CRYBB1: variants seen among roughly 807,000 people sequenced by gnomAD.
CRYBB1 encodes crystallin beta B1.
Under a neutral mutation model 29.5 loss-of-function variants are expected in CRYBB1, and 16 were observed. The ratio of observed to expected loss-of-function variants is 0.54; its 90% CI spans 0.37 to 0.82. The LOEUF is 0.82. CRYBB1 is among the 40% of genes least tolerant of loss of function. CRYBB1 has a pLI of 0.00. For missense variants in CRYBB1, 300 were observed against 350.5 expected (o/e 0.86, Z 1.15); for synonymous variants, 127 against 136.7 (o/e 0.93, Z 0.49).
At chr22:26,604,154 G>A (rs60173137) in intron 4 of CRYBB1, among the ~76,000 whole-genome samples, 146,743 of 152,226 alleles carry the variant, frequency 0.96, 70,774 homozygotes, top group East Asian at 1. Context: ...AGTGATGCCG[G>A]ACCTCAGTGT....
intron 2 of CRYBB1, among the ~76,000 whole-genome samples, chr22:26,613,320 A>G (rs1217746154): frequency 6.6e-6 from 1 of 152,166 alleles, no homozygotes; most frequent in Non-Finnish European, 1.5e-5. Flanking sequence ...GGAGGTTCAT[A>G]TAACCATGAC....
At chr22:26,607,019 C>CTTTTTTT (rs34126720) in intron 4 of CRYBB1, among the ~76,000 whole-genome samples, 4 of 111,968 alleles carry the variant, frequency 3.6e-5, no homozygotes, top group Non-Finnish European at 5.2e-5. Flanking sequence ...TATCCCTCTC[C>CTTTTTTT]TTTTTTTTTT....
chr22:26,608,772 G>T lies in CRYBB1; in HGVS notation c.300-751C>A, dbSNP rs116175009. Among the ~76,000 whole-genome samples the T allele has an allele frequency of 5.6e-3, 847 of 152,218 alleles. 13 individuals are homozygous for T. The highest frequency in any genetic ancestry group is 0.02 in the African/African-American group (815 of 41,526). Reference sequence around the variant, plus strand: ...TTGCATCCTTGCTGGGTAAATACTGGCCTGGTATTCGGGAGATACTCAGTA... The same window carrying T: ...TTGCATCCTTGCTGGGTAAATACTGTCCTGGTATTCGGGAGATACTCAGTA... On this transcript the variant is annotated intron_variant, in intron 3 of 5. Coordinates refer to ENST00000647684, the MANE Select transcript of CRYBB1 (RefSeq NM_001887.4).
intron 4 of CRYBB1, among the ~76,000 whole-genome samples, chr22:26,604,589 G>A (rs1928918338): frequency 6.6e-6 from 1 of 152,180 alleles, no homozygotes; most frequent in Non-Finnish European, 1.5e-5. Context: ...AAGGAGGAGT[G>A]CACAAAGCTG....
At position 26,613,373 on chromosome 22, in the gene CRYBB1, C is replaced by T. The variant is rs142295103; in HGVS notation, c.181-1183G>A. 1.1e-4 allele frequency among the ~76,000 whole-genome samples: 16 copies of T among 152,336 alleles called. No homozygotes were observed. In the East Asian group the frequency reaches 2.1e-3, roughly 20 times the overall value. On this transcript the variant is annotated intron_variant, in intron 2 of 5. Coordinates refer to ENST00000647684, the MANE Select transcript of CRYBB1 (RefSeq NM_001887.4). ...ACCTTTGGTTGCCCAAGAGAAACTC[C>T]TGTATGTGTGCCCCGGGATGTTGCG... is the stretch of plus-strand genomic sequence containing the variant.
At chr22:26,601,642 A>T (rs1247419445) in intron 5 of CRYBB1, among the ~76,000 whole-genome samples, 2 of 108,652 alleles carry the variant, frequency 1.8e-5, no homozygotes, top group South Asian at 6.8e-4. Context: ...TATTTTCTCC[A>T]TCTAACAGCT....
chr22:26,601,837 G>A (rs763130085), intron 5 of CRYBB1, 42 bp downstream of exon 5: 1 of 1,611,002 alleles, frequency 6.2e-7, no homozygotes, highest in South Asian at 1.1e-5. Flanking sequence ...TTCTGCCTGT[G>A]CTTGAAGCAG....
intron 2 of CRYBB1, among the ~76,000 whole-genome samples, chr22:26,615,322 C>A (rs1929308426): frequency 6.6e-6 from 1 of 152,174 alleles, no homozygotes; most frequent in African/African-American, 2.4e-5. Flanking sequence ...CAGTGAGCCT[C>A]CAAGGACAGC....
At chr22:26,611,436 G>A (rs1602328348) in intron 3 of CRYBB1, among the ~76,000 whole-genome samples, 1 of 151,876 alleles carries the variant, frequency 6.6e-6, no homozygotes, top group African/African-American at 2.4e-5. Flanking sequence ...CTCAGCCCTC[G>A]GTAATGGGCT....
chr22:26,600,872 C>T (rs1481744986), intron 5 of CRYBB1, among the ~76,000 whole-genome samples: 1 of 152,220 alleles, frequency 6.6e-6, no homozygotes, highest in Non-Finnish European at 1.5e-5. Context: ...CCTCTGACCT[C>T]CTACAACACA....
rs562331914 is a variant in CRYBB1 at position 26,611,769 on chromosome 22, C to T, written c.299+303G>A. Among the ~76,000 whole-genome samples the T allele has an allele frequency of 3.9e-3, 589 of 152,240 alleles. 7 individuals are homozygous for T. The highest frequency in any genetic ancestry group is 0.012 in the African/African-American group (515 of 41,564). ...GATTACAGGCGTGAGCCACCGCGCC[C>T]GGCCGGGCTAGAGTTTTTGCTATAG... On this transcript the variant is annotated intron_variant, in intron 3 of 5. Transcript: ENST00000647684.
intron 4 of CRYBB1, among the ~76,000 whole-genome samples, chr22:26,603,751 A>AAAT (rs60006493): frequency 6.3e-4 from 95 of 149,822 alleles, no homozygotes; most frequent in Middle Eastern, 3.4e-3. Flanking sequence ...TAAAAATACA[A>AAAT]AATAATAATA....
At position 26,601,966 on chromosome 22, in the gene CRYBB1, G is replaced by A. The variant is rs775834856; in HGVS notation, c.488C>T (p.Thr163Ile). 3.7e-6 allele frequency: 6 copies of A among 1,613,706 alleles called. No individual in the cohort carries two copies. The highest frequency in any genetic ancestry group is 4.2e-6 in the Non-Finnish European group (5 of 1,179,904). ...LFEGANFKGN[T>I]IEIQGDDAPS... is the part of the protein sequence containing the mutation. ...TGCGTCGTCCCCCTGGATCTCTATG[G>A]TGTTGCCCTTGAAGTTGGCCCCTTC... The change falls in exon 5 of 6, where the codon ACC (threonine) becomes ATC (isoleucine). Residue 163 changes from threonine (T) to isoleucine (I), a missense_variant. By Grantham distance (89) the Thr-to-Ile change is moderately conservative. Coordinates refer to ENST00000647684, the MANE Select transcript of CRYBB1 (RefSeq NM_001887.4).
rs1037023993 is a variant in CRYBB1, at chr22:26,612,004, T to C, written c.299+68A>G. On this transcript the variant is annotated intron_variant, in intron 3 of 5. Transcript: ENST00000647684. ...AGGCACAGAGCAGATGCTGGAGAAA[T>C]GGCAGCTACTGTTGTGTGGTCATTT... 12 of 1,141,714 alleles carry C rather than the reference T, an allele frequency of 1.1e-5. No individual in the cohort carries two copies. In the African/African-American group the frequency reaches 1.1e-4, roughly 10 times the overall value. 70.7% of individuals were successfully genotyped at this position (1,141,714 alleles called of 1,614,324 possible).
intron 4 of CRYBB1, among the ~76,000 whole-genome samples, chr22:26,603,179 T>C (rs965999964): frequency 6.6e-6 from 1 of 150,814 alleles, no homozygotes; most frequent in Non-Finnish European, 1.5e-5. Context: ...ATTTATGCAC[T>C]GGTGATCTTG....
Position 26,599,364 on chromosome 22 carries a change from G to T in CRYBB1, c.*126C>A. On this transcript the variant is annotated 3_prime_UTR_variant, in exon 6 of 6. Transcript: ENST00000647684. ...CCCAGTAACTATGGGGGACCTCAAG[G>T]CACACATCTGTTTACAGATCCAGGA... 1.2e-6 allele frequency: 1 copy of T among 850,326 alleles called. No homozygotes were observed. Among genetic ancestry groups the T allele is most frequent in the Non-Finnish European group, 1.9e-6 (1 of 525,802 alleles). The allele number at this position is 850,326 out of a possible 1,614,324, so 52.7% of individuals were successfully genotyped here. A position where few individuals can be genotyped will look rare whatever the true frequency, so the allele number is the denominator to read the frequency against.
intron 2 of CRYBB1, among the ~76,000 whole-genome samples, chr22:26,615,002 T>C (rs1395710072): frequency 6.6e-6 from 1 of 152,122 alleles, no homozygotes; most frequent in Non-Finnish European, 1.5e-5. Flanking sequence ...GGAGACACCT[T>C]AGAGTTAGGT....
intron 4 of CRYBB1, among the ~76,000 whole-genome samples, chr22:26,603,174 T>C (rs1018424531): frequency 3.4e-4 from 51 of 151,628 alleles, no homozygotes; most frequent in African/African-American, 1.2e-3. Flanking sequence ...CTGACATTTA[T>C]GCACTGGTGA....
intron 3 of CRYBB1, among the ~76,000 whole-genome samples, chr22:26,609,194 C>A (rs4822749): frequency 6.6e-6 from 1 of 152,108 alleles, no homozygotes; most frequent in African/African-American, 2.4e-5. Context: ...CAGAAGGAGA[C>A]AAGGATGATG....
Sources: allele counts gnomAD v4.1 joint callset (sites outside exome capture counted in the v4.1 genomes callset), GRCh38; gene constraint gnomAD v4.1.1; transcripts MANE v1.5; gene names NCBI Gene and HGNC (gene_info 2026-07-23, HGNC 2026-07-21).